The following ANP32E variants were observed in gnomAD, a reference collection of about 807,000 sequenced individuals.
ANP32E encodes acidic nuclear phosphoprotein 32 family member E, also known as acidic leucine-rich nuclear phosphoprotein 32 family member E.
Under a neutral mutation model 35.3 loss-of-function variants are expected in ANP32E, and 14 were observed. The ratio of observed to expected loss-of-function variants is 0.40; its 90% CI spans 0.26 to 0.62. The LOEUF is 0.62. Ranked by LOEUF, ANP32E falls within the 20% of genes least tolerant of loss-of-function variation. ANP32E has a pLI of 0.45. For missense variants in ANP32E, 198 were observed against 304.4 expected, an observed-to-expected ratio of 0.65 and a Z score of 2.60; for synonymous variants, 89 against 110.4, an observed-to-expected ratio of 0.81 and a Z score of 1.22.
rs782366466 is a variant in ANP32E at position 150,219,003 on chromosome 1, C to T, written c.*1688G>A. On this transcript the variant is annotated 3_prime_UTR_variant, in exon 7 of 7. Coordinates refer to ENST00000583931, the MANE Select transcript of ANP32E (RefSeq NM_030920.5). ...ATTCCAATCCCCTCACTAAACTTATCCCCAAGGGTTTTCTTTCGGTCAGTT... is the reference window on the plus strand; with the variant it reads ...ATTCCAATCCCCTCACTAAACTTATTCCCAAGGGTTTTCTTTCGGTCAGTT... The T allele has an allele frequency of 2.0e-5, 3 of 152,218 alleles. No individual in the cohort carries two copies. Among genetic ancestry groups the T allele is most frequent in the Non-Finnish European group, 4.4e-5 (3 of 68,010 alleles). The allele number at this position is 152,218 out of a possible 1,614,324, so 9.4% of individuals were successfully genotyped here.
Position 150,235,692 on chromosome 1 carries a change from A to G in ANP32E, c.54+41T>C, listed in dbSNP as rs782673610. The G allele has an allele frequency of 6.2e-6, 10 of 1,612,566 alleles. No homozygotes were observed. Among genetic ancestry groups the G allele is most frequent in the Non-Finnish European group, 8.5e-6 (10 of 1,179,142 alleles). On this transcript the variant is annotated intron_variant, in intron 1 of 6. Transcript: ENST00000583931. The surrounding 1 kb of genome is among the most constrained non-coding windows in gnomAD (Gnocchi z 4.2). ...CCACCAGAAATCCGATCCTCAGAATACTGGACTGATGGGGAAGCGGTGGGG... is the reference window on the plus strand; with the variant it reads ...CCACCAGAAATCCGATCCTCAGAATGCTGGACTGATGGGGAAGCGGTGGGG...
intron 6 of ANP32E, among the ~76,000 whole-genome samples, chr1:150,222,156 C>T (rs1553838270): frequency 6.6e-6 from 1 of 152,010 alleles, no homozygotes; most frequent in Non-Finnish European, 1.5e-5. Context: ...TGCGGTGGCT[C>T]ACGCCTATAA....
Position 150,235,831 on chromosome 1 carries a change from T to G in ANP32E, c.-45A>C, listed in dbSNP as rs1553843216. ...GCTACTACTCTCCTTTTCCCTTTCC[T>G]GCCTTCCCCAATACCCCCAACCCAA... On this transcript the variant is annotated 5_prime_UTR_variant, in exon 1 of 7. Transcript: ENST00000583931. This position sits in a 1 kb window ranked among gnomAD's most constrained non-coding sequence, Gnocchi z 4.2. 2.7e-6 allele frequency: 4 copies of G among 1,497,042 alleles called. No homozygotes were observed. The highest frequency in any genetic ancestry group is 3.7e-6 in the Non-Finnish European group (4 of 1,089,646). 92.7% of individuals were successfully genotyped at this position (1,497,042 alleles called of 1,614,324 possible). A position where few individuals can be genotyped will look rare whatever the true frequency, so the allele number is the denominator to read the frequency against.
At chr1:150,229,670 G>T (rs1649195817) in intron 3 of ANP32E, among the ~76,000 whole-genome samples, 2 of 152,200 alleles carry the variant, frequency 1.3e-5, no homozygotes, top group South Asian at 4.1e-4. Context: ...TAGAGACAGG[G>T]TTTCTCCACA....
At chr1:150,233,024 G>A (rs1292883792) in intron 1 of ANP32E, among the ~76,000 whole-genome samples, 2 of 151,946 alleles carry the variant, frequency 1.3e-5, no homozygotes, top group East Asian at 1.9e-4. Context: ...CAGCACTTTG[G>A]GAAGCTGAGG....
chr1:150,234,278 C>T (rs1246445705), intron 1 of ANP32E, among the ~76,000 whole-genome samples: 1 of 120,368 alleles, frequency 8.3e-6, no homozygotes, highest in Non-Finnish European at 1.7e-5. Context: ...TGAGAGACAG[C>T]TTTTAAAGTT....
chr1:150,226,069 G>A (rs1056993951), intron 5 of ANP32E, among the ~76,000 whole-genome samples: 5 of 145,870 alleles, frequency 3.4e-5, no homozygotes, highest in Admixed American at 1.4e-4. Flanking sequence ...GCAGAGGCAC[G>A]ATCTCAGCTC....
At chr1:150,221,108 T>A (rs1553837652) in intron 6 of ANP32E, among the ~76,000 whole-genome samples, 1 of 71,064 alleles carries the variant, frequency 1.4e-5, no homozygotes, top group Admixed American at 1.8e-4. Flanking sequence ...GAGCAAAACT[T>A]TGTCTCCAAA....
At position 150,221,115 on chromosome 1, in the gene ANP32E, C is replaced by CA. The variant is rs34843209; in HGVS notation, c.737-355dup. ...GGGCAACCGAGCAAAACTTTGTCTC[C>CA]AAAAAAAAAAAAAAAAAAACGTTAA... is the stretch of plus-strand genomic sequence containing the variant. On this transcript the variant is annotated intron_variant, in intron 6 of 6. Coordinates refer to ENST00000583931, the MANE Select transcript of ANP32E (RefSeq NM_030920.5). Among the ~76,000 whole-genome samples the CA allele has an allele frequency of 1.4e-3, 97 of 68,914 alleles. 23 individuals carry two copies. The highest frequency in any genetic ancestry group is 3.0e-3 in the East Asian group (7 of 2,298). The allele number at this position is 68,914 out of a possible 152,430, so 45.2% of individuals were successfully genotyped here.
intron 5 of ANP32E, 49 bp downstream of exon 5, chr1:150,226,559 C>T (rs781974880): frequency 4.2e-5 from 67 of 1,601,356 alleles, no homozygotes; most frequent in Non-Finnish European, 5.5e-5. Flanking sequence ...AGTACTTACT[C>T]CTATGCCTAG....
rs987525065 is a variant in ANP32E at position 150,222,216 on chromosome 1, C to A, written c.736+970G>T. Among the ~76,000 whole-genome samples the A allele has an allele frequency of 3.3e-5, 5 of 151,488 alleles. No individual in the cohort carries two copies. The East Asian group carries it at 9.7e-4, about 29-fold the overall frequency. ...CAGGCGGATCACGAGGTCAGGAGAT[C>A]GAGAGCAACCTTGCTAACACGGTGA... On this transcript the variant is annotated intron_variant, in intron 6 of 6. Coordinates refer to ENST00000583931, the MANE Select transcript of ANP32E (RefSeq NM_030920.5).
chr1:150,229,298 C>CTTTTTTTT lies in ANP32E; in HGVS notation c.328-69_328-62dup, dbSNP rs368884324. 777 of 431,150 alleles carry CTTTTTTTT rather than the reference C, an allele frequency of 1.8e-3. 4 individuals carry two copies. The highest frequency in any genetic ancestry group is 8.9e-3 in the African/African-American group (330 of 37,148). 26.7% of individuals were successfully genotyped at this position (431,150 alleles called of 1,614,324 possible). A position where few individuals can be genotyped will look rare whatever the true frequency, so the allele number is the denominator to read the frequency against. ...TAAAATACCATGTTATTTCTTTTTT[C>CTTTTTTTT]TTTTTTTTTTTTTTTTTTTGAGACG... On this transcript the variant is annotated intron_variant, in intron 3 of 6. Coordinates refer to ENST00000583931, the MANE Select transcript of ANP32E (RefSeq NM_030920.5).
chr1:150,226,842 CT>C, intron 4 of ANP32E, 47 bp from the exon 5 acceptor site: 2 of 1,555,732 alleles, frequency 1.3e-6, no homozygotes, highest in Non-Finnish European at 1.7e-6. Flanking sequence ...GTAAATGTTT[CT>C]TCCTAGGATG....
chr1:150,224,126 T>A (rs1211475309), intron 5 of ANP32E, among the ~76,000 whole-genome samples: 1 of 151,762 alleles, frequency 6.6e-6, no homozygotes, highest in African/African-American at 2.4e-5. Context: ...ACCAGTAAGC[T>A]ATAAGGAGCG....
At position 150,226,776 on chromosome 1, in the gene ANP32E, TTCA is replaced by T; in HGVS notation, c.510_512del (p.Asp170del). 1 of 1,602,874 alleles carries T rather than the reference TTCA, an allele frequency of 6.2e-7. No homozygotes were observed. The highest frequency in any genetic ancestry group is 1.3e-5 in the African/African-American group (1 of 74,564). ...GACCAGCTTCATTTTCCTCTTCCTC[TTCA>T]TCATCTTCATCGCCATCTTTAAAAA... On this transcript the variant is annotated inframe_deletion, in exon 5 of 7. Coordinates refer to ENST00000583931, the MANE Select transcript of ANP32E (RefSeq NM_030920.5).
chr1:150,223,355 C>A, intron 5 of ANP32E, 115 bp from the exon 6 acceptor site: 1 of 1,358,398 alleles, frequency 7.4e-7, no homozygotes, highest in Non-Finnish European at 1.0e-6. Context: ...GTTTTGACAA[C>A]CTCTGCCATT....
chr1:150,228,371 C>T (rs145555792), intron 4 of ANP32E, among the ~76,000 whole-genome samples: 1 of 152,204 alleles, frequency 6.6e-6, no homozygotes, highest in African/African-American at 2.4e-5. Context: ...TAATATTGCA[C>T]TGTATAGATA....
chr1:150,222,159 G>A (rs1158690018), intron 6 of ANP32E, among the ~76,000 whole-genome samples: 1 of 151,896 alleles, frequency 6.6e-6, no homozygotes, highest in Non-Finnish European at 1.5e-5. Flanking sequence ...GGTGGCTCAC[G>A]CCTATAATCC....
chr1:150,231,481 G>A (rs183826150), intron 2 of ANP32E, among the ~76,000 whole-genome samples: 3 of 109,860 alleles, frequency 2.7e-5, no homozygotes, highest in African/African-American at 1.3e-4. Context: ...TGTAGTCTCA[G>A]CTACTCGGGA....
Sources: allele counts gnomAD v4.1 joint callset (sites outside exome capture counted in the v4.1 genomes callset), GRCh38; gene constraint gnomAD v4.1.1; non-coding constraint Gnocchi (gnomAD v3.1); transcripts MANE v1.5; gene names NCBI Gene and HGNC (gene_info 2026-07-23, HGNC 2026-07-21).